The following SPAG9 variants were observed in gnomAD, a reference collection of about 807,000 sequenced individuals.
The protein encoded by SPAG9 is sperm associated antigen 9.
A neutral mutation model predicts 166.5 loss-of-function variants in SPAG9; 35 were observed. That is an observed-to-expected ratio of 0.21 (90% CI 0.16 to 0.28). The LOEUF (loss-of-function observed/expected upper bound fraction) is 0.28. SPAG9 is among the 10% of genes least tolerant of loss of function. SPAG9 has a pLI of 1.00. For synonymous variants in SPAG9, 534 were observed against 565.5 expected (o/e 0.94, Z 0.79); for missense variants, 1,235 against 1,603.3 (o/e 0.77, Z 3.92).
chr17:51,020,123 G>C, intron 8 of SPAG9, 36 bp downstream of exon 8: 2 of 1,254,438 alleles, frequency 1.6e-6, no homozygotes, highest in Non-Finnish European at 2.3e-6. Flanking sequence ...GGGGGTGGGG[G>C]GCGCAGAATA....
intron 12 of SPAG9, among the ~76,000 whole-genome samples, chr17:51,002,150 G>A (rs1040523338): frequency 6.6e-6 from 1 of 152,048 alleles, no homozygotes; most frequent in East Asian, 1.9e-4. Context: ...TGAGTAGCTT[G>A]GACTACAGGT....
rs76697356 is a variant in SPAG9, at chr17:51,096,804, A to G, written c.304-17100T>C. Among the ~76,000 whole-genome samples the G allele has an allele frequency of 8.0e-3, 1,215 of 152,360 alleles. 16 individuals carry two copies. Among genetic ancestry groups the G allele is most frequent in the African/African-American group, 0.027 (1,141 of 41,584 alleles). ...GATTATATAAGAATGTAACAGTGTG[A>G]TATCGTGAAATACGTATTTGGTCTC... On this transcript the variant is annotated intron_variant, in intron 1 of 29. Transcript: ENST00000262013.
chr17:50,964,508 A>C lies in SPAG9; in HGVS notation c.*1764T>G, dbSNP rs1973260769. On this transcript the variant is annotated 3_prime_UTR_variant, in exon 30 of 30. Transcript: ENST00000262013. ...GAGGCTGAGGCAGGAGAACTACTTG[A>C]ACCTGAGAGGTGGAGGTTGCAGTGA... 5.9e-6 allele frequency: 1 copy of C among 170,756 alleles called. No homozygotes were observed. Among genetic ancestry groups the C allele is most frequent in the Admixed American group, 6.5e-5 (1 of 15,442 alleles). The allele number at this position is 170,756 out of a possible 1,614,324, so 10.6% of individuals were successfully genotyped here.
chr17:50,966,447 G>T, intron 29 of SPAG9, 60 bp from the exon 30 acceptor site: 1 of 1,064,846 alleles, frequency 9.4e-7, no homozygotes, highest in Non-Finnish European at 1.5e-6. Flanking sequence ...AATGATGTGA[G>T]TCAGATGTAA....
At chr17:50,973,273 T>A (rs1263801115) in intron 28 of SPAG9, among the ~76,000 whole-genome samples, 1 of 152,126 alleles carries the variant, frequency 6.6e-6, no homozygotes, top group East Asian at 1.9e-4. Flanking sequence ...AGGATTTGCA[T>A]CGACTTCAAG....
At chr17:50,966,537 A>T (rs9896998) in intron 29 of SPAG9, 150 bp from the exon 30 acceptor site, 16,056 of 628,628 alleles carry the variant, frequency 0.026, 1,369 homozygotes, top group African/African-American at 0.22. Context: ...AGAAATACTA[A>T]GAGTCAGAAT....
chr17:51,078,457 G>A (rs1166493005), intron 2 of SPAG9, among the ~76,000 whole-genome samples: 3 of 152,100 alleles, frequency 2.0e-5, no homozygotes, highest in South Asian at 2.1e-4. Context: ...TTTATAGCTG[G>A]TGTCACTATG....
At position 51,018,541 on chromosome 17, in the gene SPAG9, GT is replaced by G. The variant is rs574178334; in HGVS notation, c.1091+1617del. 1.1e-4 allele frequency among the ~76,000 whole-genome samples: 17 copies of G among 152,132 alleles called. No homozygotes were observed. In the South Asian group the frequency reaches 3.5e-3, roughly 32 times the overall value. Reference sequence around the variant, plus strand: ...TACAAAAGTTTGTTCAAACTTTTTTGTTTTGTTTTTTAAATCACATTTATTT... The same window carrying G: ...TACAAAAGTTTGTTCAAACTTTTTTGTTTGTTTTTTAAATCACATTTATTT... On this transcript the variant is annotated intron_variant, in intron 8 of 29. Coordinates refer to ENST00000262013, the MANE Select transcript of SPAG9 (RefSeq NM_001130528.3).
At chr17:51,020,787 C>G (rs886313081) in intron 7 of SPAG9, among the ~76,000 whole-genome samples, 3 of 152,180 alleles carry the variant, frequency 2.0e-5, no homozygotes, top group Non-Finnish European at 1.5e-5. Flanking sequence ...CATGGATGCT[C>G]AGGTCCCTTA....
chr17:51,006,458 T>C, intron 10 of SPAG9, among the ~76,000 whole-genome samples: 1 of 152,142 alleles, frequency 6.6e-6, no homozygotes, highest in East Asian at 1.9e-4. Flanking sequence ...AGATCATCAA[T>C]TACTAAAAAG....
intron 24 of SPAG9, among the ~76,000 whole-genome samples, chr17:50,983,802 G>T (rs1026329973): frequency 3.9e-5 from 6 of 151,988 alleles, no homozygotes; most frequent in Non-Finnish European, 8.8e-5. Context: ...GGATGACCAT[G>T]GAACTTTCTT....
At chr17:51,036,948 TTA>T (rs2046611460) in intron 5 of SPAG9, among the ~76,000 whole-genome samples, 1 of 152,224 alleles carries the variant, frequency 6.6e-6, no homozygotes, top group African/African-American at 2.4e-5. Context: ...GAGCAAGTTC[TTA>T]TACTTACTGT....
intron 19 of SPAG9, among the ~76,000 whole-genome samples, chr17:50,992,315 G>A (rs985065929): frequency 6.6e-6 from 1 of 152,034 alleles, no homozygotes; most frequent in Non-Finnish European, 1.5e-5. Context: ...ATTTCCTTTG[G>A]CATAGTGTTT....
intron 13 of SPAG9, among the ~76,000 whole-genome samples, chr17:51,001,404 T>C (rs1196976605): frequency 2.6e-5 from 4 of 152,226 alleles, no homozygotes; most frequent in African/African-American, 9.6e-5. Context: ...CATATGAAAT[T>C]GTGATCTTTT....
At chr17:50,993,696 T>C in intron 19 of SPAG9, 68 bp downstream of exon 19, 1 of 1,499,986 alleles carries the variant, frequency 6.7e-7, no homozygotes, top group Non-Finnish European at 9.2e-7. Flanking sequence ...CATCTTCAGC[T>C]GCTACATCAG....
At chr17:51,023,055 CTTTGT>C (rs2046004527) in intron 6 of SPAG9, among the ~76,000 whole-genome samples, 1 of 148,662 alleles carries the variant, frequency 6.7e-6, no homozygotes, top group Non-Finnish European at 1.5e-5. Flanking sequence ...CTTTCTAAAC[CTTTGT>C]TTTATCATCT....
intron 1 of SPAG9, among the ~76,000 whole-genome samples, chr17:51,116,856 C>T (rs962701620): frequency 6.6e-6 from 1 of 152,086 alleles, no homozygotes; most frequent in Non-Finnish European, 1.5e-5. Flanking sequence ...GATGTTCTGG[C>T]TGAAAAAGTG....
intron 27 of SPAG9, chr17:50,975,807 CT>C: frequency 7.4e-7 from 1 of 1,350,654 alleles, no homozygotes; most frequent in Non-Finnish European, 1.0e-6. Context: ...TGGTAACAGC[CT>C]TACAGTGGCT....
chr17:50,967,340 T>C (rs1054958730), intron 29 of SPAG9, among the ~76,000 whole-genome samples: 8 of 152,192 alleles, frequency 5.3e-5, no homozygotes, highest in Non-Finnish European at 1.5e-5. Flanking sequence ...ATGTGCCCCA[T>C]GTGAATTTCA....
Sources: gnomAD v4.1 joint callset for allele counts (sites outside exome capture counted in the v4.1 genomes callset) on GRCh38, gnomAD v4.1.1 for gene constraint, MANE v1.5 for transcripts, NCBI Gene and HGNC (gene_info 2026-07-23, HGNC 2026-07-21) for gene names.